GTF2H3: variants seen among roughly 807,000 people sequenced by gnomAD.
The protein encoded by GTF2H3 is TFIIH basal transcription factor complex p34 subunit.
A neutral mutation model predicts 51.1 loss-of-function variants in GTF2H3; 42 were observed. That is an observed-to-expected ratio of 0.82 (90% CI 0.64 to 1.06). GTF2H3 has a LOEUF of 1.06. Among genes scored for constraint, GTF2H3 ranks in the 50% least tolerant of loss-of-function variants. The pLI, the probability that GTF2H3 is intolerant of heterozygous loss-of-function variation, is 0.00. For missense variants in GTF2H3, 326 were observed against 366.1 expected (o/e 0.89, Z 0.89); for synonymous variants, 123 against 123.8 (o/e 0.99, Z 0.04).
chr12:123,639,471 G>A (rs1955336717), intron 2 of GTF2H3, 128 bp downstream of exon 2: 1 of 549,682 alleles, frequency 1.8e-6, no homozygotes, highest in Admixed American at 3.2e-5. Flanking sequence ...ACAATTCAGT[G>A]ATTTTTTTTA....
intron 3 of GTF2H3, 152 bp from the exon 4 acceptor site, chr12:123,647,811 A>T (rs1955469022): frequency 2.0e-6 from 1 of 490,060 alleles, no homozygotes; most frequent in Non-Finnish European, 3.5e-6. Flanking sequence ...TATCTTACAC[A>T]TTTTTTTTAA....
Position 123,658,197 on chromosome 12 carries a change from C to T in GTF2H3, c.616-1319C>T, listed in dbSNP as rs561629083. 1.2e-4 allele frequency among the ~76,000 whole-genome samples: 19 copies of T among 152,150 alleles called. No individual in the cohort carries two copies. In the South Asian group the frequency reaches 3.9e-3, roughly 32 times the overall value. ...TCAGTCTCCCAAGTATCTGGGACCACTGGCATGCACTACAATGCCTGGCTA... is the reference window on the plus strand; with the variant it reads ...TCAGTCTCCCAAGTATCTGGGACCATTGGCATGCACTACAATGCCTGGCTA... On this transcript the variant is annotated intron_variant, in intron 9 of 12. Transcript: ENST00000543341.
chr12:123,647,941 GT>G (rs763358730), intron 3 of GTF2H3, 21 bp from the exon 4 acceptor site: 3 of 1,605,196 alleles, frequency 1.9e-6, no homozygotes, highest in African/African-American at 1.3e-5. Flanking sequence ...GTGTAACCAG[GT>G]TTTTTCCCCT....
Position 123,652,993 on chromosome 12 carries a change from G to A in GTF2H3, c.486+258G>A, listed in dbSNP as rs1438493273. ...CTTGGGATCCCGAGGCAGGAGAATC[G>A]TTTGAACCTGGGAGGCAGAGGTTGC... On this transcript the variant is annotated intron_variant, in intron 7 of 12. Coordinates refer to ENST00000543341, the MANE Select transcript of GTF2H3 (RefSeq NM_001516.5). Among the ~76,000 whole-genome samples, 3 of 152,188 alleles carry A rather than the reference G, an allele frequency of 2.0e-5. No individual in the cohort carries two copies. The East Asian group carries it at 5.8e-4, about 29-fold the overall frequency.
In GTF2H3 at chr12:123,659,881, T is replaced by C. The variant is rs760328206; in HGVS notation, c.771T>C (p.Cys257=). ...VHVDYRAACF[C]HRNLIEIGYV... ...TTGACTACAGGGCTGCTTGCTTCTG[T>C]CATCGAAATCTCATTGAAATTGGTT... The change falls in exon 11 of 13, where the codon TGT becomes TGC. Residue 257 remains cysteine, a synonymous_variant. Coordinates refer to ENST00000543341, the MANE Select transcript of GTF2H3 (RefSeq NM_001516.5). 3.8e-5 allele frequency: 61 copies of C among 1,614,040 alleles called. No homozygotes were observed. The highest frequency in any genetic ancestry group is 4.7e-5 in the Non-Finnish European group (56 of 1,180,004).
chr12:123,657,245 A>G (rs1424009212), intron 9 of GTF2H3, among the ~76,000 whole-genome samples: 1 of 151,812 alleles, frequency 6.6e-6, no homozygotes, highest in East Asian at 1.9e-4. Context: ...CCTGTTGCTC[A>G]CTTGCTTAAA....
chr12:123,661,369 G>C lies in GTF2H3; in HGVS notation c.*1134G>C, dbSNP rs112019281. On this transcript the variant is annotated 3_prime_UTR_variant, in exon 13 of 13. Transcript: ENST00000543341. The stretch of plus-strand genomic sequence containing the variant: ...AAAATGTTTACTGACGAGGCCGGGC[G>C]TGGTGGCTCACCCCTGCAATCCCAG... 6,365 of 151,954 alleles carry C rather than the reference G, an allele frequency of 0.042. 226 individuals are homozygous for C. The highest frequency in any genetic ancestry group is 0.09 in the African/African-American group (3,735 of 41,418). The allele number at this position is 151,954 out of a possible 1,614,324, so 9.4% of individuals were successfully genotyped here. A position where few individuals can be genotyped will look rare whatever the true frequency, so the allele number is the denominator to read the frequency against.
chr12:123,653,813 A>T (rs1416013316), intron 7 of GTF2H3, among the ~76,000 whole-genome samples: 1 of 152,124 alleles, frequency 6.6e-6, no homozygotes, highest in African/African-American at 2.4e-5. Flanking sequence ...TCTGGGGTGC[A>T]TTTTGGTAAT....
At chr12:123,655,345 T>C (rs543602579) in intron 8 of GTF2H3, among the ~76,000 whole-genome samples, 1 of 152,340 alleles carries the variant, frequency 6.6e-6, no homozygotes, top group Admixed American at 6.5e-5. Flanking sequence ...GTGGCGAAGC[T>C]GTAAAAATTC....
intron 2 of GTF2H3, among the ~76,000 whole-genome samples, chr12:123,643,600 T>C (rs1367555427): frequency 6.6e-6 from 1 of 152,216 alleles, no homozygotes; most frequent in African/African-American, 2.4e-5. Context: ...ATTTCTCTCT[T>C]GGGACATCAC....
chr12:123,640,016 G>C (rs1955346124), intron 2 of GTF2H3: 1 of 453,888 alleles, frequency 2.2e-6, no homozygotes. Flanking sequence ...GTACCACCAT[G>C]CTCAGCTAAT....
intron 1 of GTF2H3, among the ~76,000 whole-genome samples, chr12:123,638,579 G>A (rs1030453167): frequency 1.3e-5 from 2 of 152,102 alleles, no homozygotes; most frequent in African/African-American, 4.8e-5. Flanking sequence ...CAAAGTGCTA[G>A]GACTACAGGC....
chr12:123,638,784 C>G (rs1038949499), intron 1 of GTF2H3, among the ~76,000 whole-genome samples: 6 of 144,134 alleles, frequency 4.2e-5, no homozygotes, highest in African/African-American at 1.6e-4. Flanking sequence ...GCCCACTGTG[C>G]TTTAAAGCTT....
At chr12:123,648,821 T>C (rs1427726213) in intron 4 of GTF2H3, among the ~76,000 whole-genome samples, 3 of 152,232 alleles carry the variant, frequency 2.0e-5, no homozygotes, top group African/African-American at 7.2e-5. Flanking sequence ...TTATTTTTCA[T>C]TTTTAAAATT....
intron 9 of GTF2H3, among the ~76,000 whole-genome samples, chr12:123,658,986 A>G (rs1044733001): frequency 7.9e-5 from 12 of 152,216 alleles, no homozygotes; most frequent in Admixed American, 5.2e-4. Flanking sequence ...GGGAAGTGCA[A>G]ATCAAAACCA....
At chr12:123,639,139 T>G (rs1955331899) in intron 1 of GTF2H3, 125 bp from the exon 2 acceptor site, 2 of 600,056 alleles carry the variant, frequency 3.3e-6, no homozygotes, top group Non-Finnish European at 6.0e-6. Context: ...CTCATAATTA[T>G]AAGGTGATAA....
Position 123,659,913 on chromosome 12 carries a change from G to A in GTF2H3, c.803G>A (p.Cys268Tyr), listed in dbSNP as rs764167487. Residue 268 changes from cysteine (C) to tyrosine (Y), a missense_variant, in exon 11 of 13, where the codon TGT becomes TAT. Coordinates refer to ENST00000543341, the MANE Select transcript of GTF2H3 (RefSeq NM_001516.5). ...HRNLIEIGYV[C>Y]SVCLSIFCNF... ...AATCTCATTGAAATTGGTTATGTCTGTTCTGTGTGTTTGTCAAGTAAGTTA... is the reference window on the plus strand; with the variant it reads ...AATCTCATTGAAATTGGTTATGTCTATTCTGTGTGTTTGTCAAGTAAGTTA... 3.1e-6 allele frequency: 5 copies of A among 1,613,328 alleles called. No homozygotes were observed. Among genetic ancestry groups the A allele is most frequent in the Middle Eastern group, 1.6e-4 (1 of 6,082 alleles).
chr12:123,640,496 C>T (rs1955354965), intron 2 of GTF2H3, among the ~76,000 whole-genome samples: 1 of 151,104 alleles, frequency 6.6e-6, no homozygotes, highest in Non-Finnish European at 1.5e-5. Flanking sequence ...GTCACCACGC[C>T]CAGCTAATTT....
rs921522711 is a variant in GTF2H3 at position 123,640,440 on chromosome 12, G to A, written c.93+1097G>A. Among the ~76,000 whole-genome samples, 10 of 150,468 alleles carry A rather than the reference G, an allele frequency of 6.6e-5. No homozygotes were observed. The South Asian group carries it at 8.4e-4, about 13-fold the overall frequency. On this transcript the variant is annotated intron_variant, in intron 2 of 12. Coordinates refer to ENST00000543341, the MANE Select transcript of GTF2H3 (RefSeq NM_001516.5). ...CAACCTTTGCCTCCTGGGTTCAAGT[G>A]ATTCTCCTTCCTCAGCCTTCCGAGT...
Sources: allele counts gnomAD v4.1 joint callset (sites outside exome capture counted in the v4.1 genomes callset), GRCh38; gene constraint gnomAD v4.1.1; transcripts MANE v1.5; gene names NCBI Gene and HGNC (gene_info 2026-07-23, HGNC 2026-07-21).